PRKCI: variants seen among roughly 807,000 people sequenced by gnomAD.
PRKCI encodes the protein protein kinase C iota type.
PRKCI carries 43 observed loss-of-function variants against 84.0 expected under a neutral mutation model. The ratio of observed to expected loss-of-function variants is 0.51; its 90% CI spans 0.40 to 0.66. The LOEUF (loss-of-function observed/expected upper bound fraction) is 0.66. PRKCI is among the 30% of genes least tolerant of loss of function. PRKCI has a pLI of 0.00. For synonymous variants in PRKCI, 216 were observed against 234.4 expected, an observed-to-expected ratio of 0.92 and a Z score of 0.72; for missense variants, 459 against 745.6, an observed-to-expected ratio of 0.62 and a Z score of 4.48.
chr3:170,281,342 A>G lies in PRKCI; in HGVS notation c.980+79A>G, dbSNP rs909588306. 55 of 1,148,714 alleles carry G rather than the reference A, an allele frequency of 4.8e-5. No individual in the cohort carries two copies. The East Asian group carries it at 1.2e-3, about 25-fold the overall frequency. 71.2% of individuals were successfully genotyped at this position (1,148,714 alleles called of 1,614,324 possible). On this transcript the variant is annotated intron_variant, in intron 10 of 17. Coordinates refer to ENST00000295797, the MANE Select transcript of PRKCI (RefSeq NM_002740.6). ...TACACAGTTAGAACCTTTCTGCCCTAATTCATGAAGTTGATATCATGGAGG... is the reference window on the plus strand; with the variant it reads ...TACACAGTTAGAACCTTTCTGCCCTGATTCATGAAGTTGATATCATGGAGG...
At chr3:170,226,087 A>G (rs1732621191) in intron 1 of PRKCI, among the ~76,000 whole-genome samples, 1 of 151,446 alleles carries the variant, frequency 6.6e-6, no homozygotes, top group African/African-American at 2.4e-5. Flanking sequence ...TAATTTTTGT[A>G]TTTTAGTAGA....
intron 2 of PRKCI, among the ~76,000 whole-genome samples, chr3:170,255,840 G>A (rs923763242): frequency 2.6e-5 from 4 of 151,780 alleles, no homozygotes; most frequent in African/African-American, 9.7e-5. Flanking sequence ...TCTATCCCCA[G>A]TTTTTTTTGG....
intron 2 of PRKCI, among the ~76,000 whole-genome samples, chr3:170,239,741 G>GTTTT (rs1306055398): frequency 7.1e-6 from 1 of 140,228 alleles, no homozygotes; most frequent in Non-Finnish European, 1.6e-5. Context: ...ATGGTAGAGT[G>GTTTT]TTTTTTTTTT....
At position 170,222,678 on chromosome 3, in the gene PRKCI, C is replaced by A; in HGVS notation, c.9C>A (p.Thr3=). Residue 3 remains threonine (T), a synonymous_variant, in exon 1 of 18, where the codon ACC becomes ACA. Coordinates refer to ENST00000295797, the MANE Select transcript of PRKCI (RefSeq NM_002740.6). MP[T]QRDSSTMSHT... is the part of the protein sequence containing the mutation. ...GGCGGGGGAGTGAGGAGATGCCGAC[C>A]CAGAGGGACAGCAGCACCATGTCCC... The A allele has an allele frequency of 6.3e-7, 1 of 1,595,816 alleles. No individual in the cohort carries two copies. The highest frequency in any genetic ancestry group is 1.3e-5 in the African/African-American group (1 of 74,294).
chr3:170,280,083 A>C, intron 8 of PRKCI, 144 bp from the exon 9 acceptor site: 1 of 717,398 alleles, frequency 1.4e-6, no homozygotes, highest in South Asian at 3.2e-5. Context: ...GTTTGGAATG[A>C]CATTTGAAAA....
At position 170,297,292 on chromosome 3, in the gene PRKCI, C is replaced by CT. The variant is rs745414588; in HGVS notation, c.1498-9dup. 15 of 1,600,288 alleles carry CT rather than the reference C, an allele frequency of 9.4e-6. No individual in the cohort carries two copies. In the South Asian group the frequency reaches 1.1e-4, roughly 12 times the overall value. On this transcript the variant is annotated splice_polypyrimidine_tract_variant and intron_variant, in intron 15 of 17. Coordinates refer to ENST00000295797, the MANE Select transcript of PRKCI (RefSeq NM_002740.6). ...CATTCACCCAATTCTTGAAACATTT[C>CT]TTTCACCATAGGACCCTAAGGAACG... is the stretch of plus-strand genomic sequence containing the variant.
At chr3:170,301,079 G>T (rs552569151) in intron 17 of PRKCI, among the ~76,000 whole-genome samples, 1 of 152,250 alleles carries the variant, frequency 6.6e-6, no homozygotes, top group East Asian at 1.9e-4. Flanking sequence ...TGAGCAAAAG[G>T]TGTTATGGTA....
At chr3:170,233,621 G>T (rs1447302557) in intron 1 of PRKCI, among the ~76,000 whole-genome samples, 2 of 152,154 alleles carry the variant, frequency 1.3e-5, no homozygotes, top group East Asian at 3.8e-4. Context: ...AGAGCTAAGT[G>T]TTTATATAAA....
chr3:170,236,303 G>C (rs1732975148), intron 2 of PRKCI, among the ~76,000 whole-genome samples: 1 of 151,524 alleles, frequency 6.6e-6, no homozygotes. Flanking sequence ...GTTTTGCCGT[G>C]TTGCCCAGGC....
chr3:170,257,988 C>T (rs770464590), intron 2 of PRKCI, among the ~76,000 whole-genome samples: 6 of 151,082 alleles, frequency 4.0e-5, no homozygotes, highest in Non-Finnish European at 4.4e-5. Context: ...GAGAGGGAGA[C>T]TCAGAAACGC....
At chr3:170,302,853 G>A (rs955022961) in intron 17 of PRKCI, among the ~76,000 whole-genome samples, 187 bp from the exon 18 acceptor site, 7 of 151,986 alleles carry the variant, frequency 4.6e-5, no homozygotes, top group Non-Finnish European at 7.4e-5. Context: ...TGGGATTATC[G>A]GGGTTTTTTA....
At chr3:170,252,137 T>G (rs1733466701) in intron 2 of PRKCI, among the ~76,000 whole-genome samples, 1 of 148,882 alleles carries the variant, frequency 6.7e-6, no homozygotes, top group Admixed American at 6.7e-5. Flanking sequence ...TGGCATGAAC[T>G]TGGGAGGCGG....
At chr3:170,250,068 C>G (rs1423867449) in intron 2 of PRKCI, among the ~76,000 whole-genome samples, 2 of 151,718 alleles carry the variant, frequency 1.3e-5, no homozygotes, top group African/African-American at 4.8e-5. Flanking sequence ...CTGAGGTCAG[C>G]AGTTTGAGAC....
intron 4 of PRKCI, among the ~76,000 whole-genome samples, chr3:170,264,032 A>G (rs1371909255): frequency 6.6e-6 from 1 of 152,224 alleles, no homozygotes; most frequent in Non-Finnish European, 1.5e-5. Context: ...AGAAGTTGAA[A>G]CAACATGGAA....
At chr3:170,239,347 A>G (rs1341435424) in intron 2 of PRKCI, among the ~76,000 whole-genome samples, 2 of 152,172 alleles carry the variant, frequency 1.3e-5, no homozygotes, top group Non-Finnish European at 2.9e-5. Flanking sequence ...AGAAAATGAG[A>G]CTATATATAA....
In PRKCI at chr3:170,270,477, T is replaced by C. The variant is rs753703960; in HGVS notation, c.507T>C (p.Tyr169=). The C allele has an allele frequency of 1.9e-6, 3 of 1,613,746 alleles. No individual in the cohort carries two copies. The South Asian group carries it at 3.3e-5, about 18-fold the overall frequency. ...TATGGGGACTTGGACGCCAAGGATA[T>C]AAGTGCATCAACTGCAAACTCTTGG... ...DRIWGLGRQG[Y]KCINCKLLVH... is the part of the protein sequence containing the mutation. Residue 169 remains tyrosine (Y), a synonymous_variant, in exon 6 of 18, where the codon TAT becomes TAC. Transcript: ENST00000295797.
At chr3:170,246,646 A>AT (rs1733294189) in intron 2 of PRKCI, among the ~76,000 whole-genome samples, 1 of 152,052 alleles carries the variant, frequency 6.6e-6, no homozygotes, top group South Asian at 2.1e-4. Flanking sequence ...CCCTTTAAAA[A>AT]TTTTTTTATT....
intron 6 of PRKCI, 134 bp downstream of exon 6, chr3:170,270,695 T>G: frequency 8.3e-6 from 9 of 1,088,256 alleles, no homozygotes; most frequent in African/African-American, 3.2e-5. Context: ...TGGGGAGGAA[T>G]ACCTTACGTT....
chr3:170,300,220 C>T (rs566898624), intron 17 of PRKCI, among the ~76,000 whole-genome samples: 50 of 152,308 alleles, frequency 3.3e-4, no homozygotes, highest in Non-Finnish European at 5.9e-4. Flanking sequence ...AATGGATTAA[C>T]CTTGTCTTAA....
Sources: gnomAD v4.1 joint callset for allele counts (sites outside exome capture counted in the v4.1 genomes callset) on GRCh38, gnomAD v4.1.1 for gene constraint, MANE v1.5 for transcripts, NCBI Gene and HGNC (gene_info 2026-07-23, HGNC 2026-07-21) for gene names.